Variants in DPP10 observed in about 807,000 individuals in gnomAD.
The protein encoded by DPP10 is dipeptidyl peptidase like 10, also known as inactive dipeptidyl peptidase 10.
DPP10 carries 33 observed loss-of-function variants against 120.9 expected under a neutral mutation model. The ratio of observed to expected loss-of-function variants is 0.27; its 90% CI spans 0.21 to 0.37. The LOEUF (loss-of-function observed/expected upper bound fraction) is 0.37. DPP10 is among the 10% of genes least tolerant of loss of function. DPP10 has a pLI of 1.00. For missense variants in DPP10, 816 were observed against 942.8 expected (o/e 0.87, Z 1.76); for synonymous variants, 337 against 326.1 (o/e 1.03, Z -0.36).
rs1490942516 is a variant in DPP10 at position 114,842,981 on chromosome 2, G to A, written c.60+400143G>A. Among the ~76,000 whole-genome samples the A allele has an allele frequency of 2.6e-5, 4 of 152,094 alleles. No individual in the cohort carries two copies. In the East Asian group the frequency reaches 7.7e-4, roughly 29 times the overall value. On this transcript the variant is annotated intron_variant, in intron 1 of 25. Coordinates refer to ENST00000410059, the MANE Select transcript of DPP10 (RefSeq NM_020868.6). ...CATAACATCAGAGCCCATAAAAAGT[G>A]ACGTGCTCAGTAAAAGGGTTGACTT...
intron 3 of DPP10, among the ~76,000 whole-genome samples, chr2:115,425,158 G>A (rs919267244): frequency 6.6e-6 from 1 of 152,168 alleles, no homozygotes; most frequent in Non-Finnish European, 1.5e-5. Flanking sequence ...GCCCCTAAAA[G>A]GGTTTATTTA....
chr2:114,670,842 G>C (rs1294624539), intron 1 of DPP10, among the ~76,000 whole-genome samples: 2 of 152,068 alleles, frequency 1.3e-5, no homozygotes, highest in Non-Finnish European at 2.9e-5. Context: ...CATCATCTTA[G>C]AAGTAAATAA....
At chr2:115,194,113 C>T (rs1054506597) in intron 1 of DPP10, among the ~76,000 whole-genome samples, 7 of 152,186 alleles carry the variant, frequency 4.6e-5, no homozygotes, top group African/African-American at 1.7e-4. Context: ...GAGGTGTGCT[C>T]ACAATGAAGT....
At chr2:115,523,553 G>A (rs545219449) in intron 4 of DPP10, among the ~76,000 whole-genome samples, 1 of 152,154 alleles carries the variant, frequency 6.6e-6, no homozygotes, top group African/African-American at 2.4e-5. Flanking sequence ...ATCCCTGTAG[G>A]ACAAGAATGA....
chr2:114,461,398 C>T (rs4849337), intron 1 of DPP10, among the ~76,000 whole-genome samples: 79,231 of 152,078 alleles, frequency 0.52, 22,553 homozygotes, highest in East Asian at 0.7. Context: ...CAAATTCTTT[C>T]CTGATCCCAT....
intron 1 of DPP10, among the ~76,000 whole-genome samples, chr2:114,541,052 G>C (rs1239099899): frequency 6.6e-6 from 1 of 152,146 alleles, no homozygotes; most frequent in African/African-American, 2.4e-5. Context: ...TATCTTTCAA[G>C]AATGTTTCAA....
chr2:115,439,414 T>C (rs1251958031), intron 3 of DPP10, among the ~76,000 whole-genome samples: 1 of 152,224 alleles, frequency 6.6e-6, no homozygotes, highest in East Asian at 1.9e-4. Flanking sequence ...TGCACTGCAG[T>C]GTGAAAACCC....
chr2:115,033,784 T>C (rs534416048), intron 1 of DPP10, among the ~76,000 whole-genome samples: 3 of 150,682 alleles, frequency 2.0e-5, no homozygotes, highest in Admixed American at 1.3e-4. Flanking sequence ...CTCTGCAGCC[T>C]CAAACTCCTG....
At chr2:114,487,044 A>C (rs72949894) in intron 1 of DPP10, among the ~76,000 whole-genome samples, 7,261 of 152,252 alleles carry the variant, frequency 0.048, 250 homozygotes, top group African/African-American at 0.093. Flanking sequence ...TGAGAAGTCG[A>C]TTTTTGAAAG....
In DPP10 at chr2:115,089,715, C is replaced by T. The variant is rs777935454; in HGVS notation, c.61-219524C>T. Among the ~76,000 whole-genome samples, 8 of 152,180 alleles carry T rather than the reference C, an allele frequency of 5.3e-5. No individual in the cohort carries two copies. In the South Asian group the frequency reaches 8.3e-4, roughly 16 times the overall value. ...ACAAACATAGTTTTGGAAAAGTGCCCGATTTTACTTTCCATATTTTATCAC... is the reference window on the plus strand; with the variant it reads ...ACAAACATAGTTTTGGAAAAGTGCCTGATTTTACTTTCCATATTTTATCAC... On this transcript the variant is annotated intron_variant, in intron 1 of 25. Transcript: ENST00000410059.
chr2:115,773,798 TC>T (rs888720197), intron 13 of DPP10, among the ~76,000 whole-genome samples: 1 of 152,108 alleles, frequency 6.6e-6, no homozygotes, highest in African/African-American at 2.4e-5. Flanking sequence ...TAAGTGTTGT[TC>T]AGTCATCTAC....
chr2:115,124,258 A>G (rs927233067), intron 1 of DPP10, among the ~76,000 whole-genome samples: 1 of 152,114 alleles, frequency 6.6e-6, no homozygotes, highest in Non-Finnish European at 1.5e-5. Flanking sequence ...TGCCCTTTTC[A>G]AGCTTAAGAC....
intron 1 of DPP10, among the ~76,000 whole-genome samples, chr2:115,208,239 G>A (rs555020016): frequency 3.9e-5 from 5 of 129,408 alleles, no homozygotes; most frequent in Admixed American, 9.3e-5. Flanking sequence ...TCCCTTTGTC[G>A]CCCAGGCTAG....
intron 4 of DPP10, among the ~76,000 whole-genome samples, chr2:115,521,251 T>C (rs1293888759): frequency 6.6e-6 from 1 of 152,174 alleles, no homozygotes; most frequent in Non-Finnish European, 1.5e-5. Context: ...CGGTAGAGCA[T>C]GTCATTTGGG....
chr2:115,151,550 G>A (rs1230126414), intron 1 of DPP10, among the ~76,000 whole-genome samples: 1 of 151,664 alleles, frequency 6.6e-6, no homozygotes, highest in Non-Finnish European at 1.5e-5. Context: ...TGGGATTACA[G>A]GCACCTACCA....
At chr2:115,692,750 A>G (rs1047754231) in intron 7 of DPP10, among the ~76,000 whole-genome samples, 3 of 152,148 alleles carry the variant, frequency 2.0e-5, no homozygotes, top group African/African-American at 7.2e-5. Context: ...GTACACCATC[A>G]TATCATTGTG....
In DPP10 at chr2:115,063,740, TC is replaced by T. The variant is rs1266528637; in HGVS notation, c.61-245497del. 9.9e-5 allele frequency among the ~76,000 whole-genome samples: 15 copies of T among 152,264 alleles called. No individual in the cohort carries two copies. The South Asian group carries it at 2.9e-3, about 29-fold the overall frequency. On this transcript the variant is annotated intron_variant, in intron 1 of 25. Transcript: ENST00000410059. ...TGCAGAAAATTGAATCTGGACCTCTTCCTTACACCTTATACAAAAATTAACT... is the reference window on the plus strand; with the variant it reads ...TGCAGAAAATTGAATCTGGACCTCTTCTTACACCTTATACAAAAATTAACT...
chr2:114,765,555 A>G (rs1680640041), intron 1 of DPP10, among the ~76,000 whole-genome samples: 1 of 152,222 alleles, frequency 6.6e-6, no homozygotes, highest in African/African-American at 2.4e-5. Flanking sequence ...AGACACTCCT[A>G]CTACAGTCGG....
chr2:115,836,280 C>G (rs141195771), intron 22 of DPP10, 24 bp downstream of exon 22: 8 of 1,572,782 alleles, frequency 5.1e-6, no homozygotes, highest in Non-Finnish European at 8.7e-7. Flanking sequence ...ACAGACTGAC[C>G]TAGTATAATG....
Sources: gnomAD v4.1 joint callset for allele counts (sites outside exome capture counted in the v4.1 genomes callset) on GRCh38, gnomAD v4.1.1 for gene constraint, MANE v1.5 for transcripts, NCBI Gene and HGNC (gene_info 2026-07-23, HGNC 2026-07-21) for gene names.